The following CLCA4 variants were observed in gnomAD, a reference collection of about 807,000 sequenced individuals.
The protein encoded by CLCA4 is calcium-activated chloride channel regulator 4.
CLCA4 carries 69 observed loss-of-function variants against 78.9 expected under a neutral mutation model. The ratio of observed to expected loss-of-function variants is 0.87; its 90% CI spans 0.72 to 1.07. The LOEUF is 1.07. CLCA4 is among the 50% of genes least tolerant of loss of function. The probability of loss-of-function intolerance (pLI) is 0.00; values close to 1 mark genes in which losing one functional copy is unlikely to be tolerated. For missense variants in CLCA4, 1,133 were observed against 1,095.8 expected (o/e 1.03, Z -0.48); for synonymous variants, 362 against 375.8 (o/e 0.96, Z 0.42).
Position 86,565,719 on chromosome 1 carries a change from G to C in CLCA4, c.736-83G>C, listed in dbSNP as rs2231591. 3.8e-3 allele frequency: 3,049 copies of C among 799,628 alleles called. 71 individuals are homozygous for C. In the African/African-American group the frequency reaches 0.048, roughly 12 times the overall value. 49.5% of individuals were successfully genotyped at this position (799,628 alleles called of 1,614,324 possible). A position where few individuals can be genotyped will look rare whatever the true frequency, so the allele number is the denominator to read the frequency against. On this transcript the variant is annotated intron_variant, in intron 5 of 13. Transcript: ENST00000370563. ...TTCAACAAACAACATATCTGCAGAA[G>C]ACTTTTAAATTTTTCAGGTTTGTAG... is the stretch of plus-strand genomic sequence containing the variant.
At position 86,571,147 on chromosome 1, in the gene CLCA4, C is replaced by A. The variant is rs536753671; in HGVS notation, c.1253C>A (p.Thr418Asn). 3 of 1,612,846 alleles carry A rather than the reference C, an allele frequency of 1.9e-6. No individual in the cohort carries two copies. The highest frequency in any genetic ancestry group is 2.5e-6 in the Non-Finnish European group (3 of 1,179,058). Residue 418 changes from threonine (T) to asparagine (N), a missense_variant, in exon 8 of 14, where the codon ACT (threonine) becomes AAT (asparagine). By Grantham distance (65) the Thr-to-Asn change is moderately conservative. Coordinates refer to ENST00000370563, the MANE Select transcript of CLCA4 (RefSeq NM_012128.4). ...CTGCTGACTGATGGGGAGGATAACA[C>A]TGCAAGTTCTTGTATTGATGAAGTG... is the stretch of plus-strand genomic sequence containing the variant. ...VLLLTDGEDN[T>N]ASSCIDEVKQ...
At chr1:86,554,356 G>C (rs1236140724) in intron 1 of CLCA4, among the ~76,000 whole-genome samples, 2 of 152,092 alleles carry the variant, frequency 1.3e-5, no homozygotes, top group African/African-American at 4.8e-5. Context: ...AGTATTCCAT[G>C]GTGTATATGT....
chr1:86,547,209 C>T lies in CLCA4; in HGVS notation c.90C>T (p.Gly30=). The T allele has an allele frequency of 6.2e-7, 1 of 1,611,354 alleles. No individual in the cohort carries two copies. Among genetic ancestry groups the T allele is most frequent in the Non-Finnish European group, 8.5e-7 (1 of 1,178,870 alleles). Residue 30 remains glycine (G), a synonymous_variant, in exon 1 of 14, where the codon GGC becomes GGT. Coordinates refer to ENST00000370563, the MANE Select transcript of CLCA4 (RefSeq NM_012128.4). ...CCTTCATTAAGCTGAATAATAATGG[C>T]TTTGAAGATATTGTCATTGTTATAG... ...NTSFIKLNNN[G]FEDIVIVIDP... is the part of the protein sequence containing the mutation.
At chr1:86,550,979 C>A (rs1157811021) in intron 1 of CLCA4, among the ~76,000 whole-genome samples, 1 of 151,608 alleles carries the variant, frequency 6.6e-6, no homozygotes, top group Non-Finnish European at 1.5e-5. Flanking sequence ...TTACAGGCGC[C>A]TGCCACCACG....
rs753744270 is a variant in CLCA4, at chr1:86,580,106, A to G, written c.2521A>G (p.Ile841Val). Residue 841 changes from isoleucine (I) to valine (V), a missense_variant, in exon 14 of 14, where the codon ATA (isoleucine) becomes GTA (valine). Physicochemically the swap from Ile to Val is conservative, Grantham distance 29. Transcript: ENST00000370563. ...TATCTCAGAAGAAAATGCAACCCAC[A>G]TATTTATTGCCATTAAAAGTATAGA... ...ENISEENATH[I>V]FIAIKSIDKS... 2 of 1,612,972 alleles carry G rather than the reference A, an allele frequency of 1.2e-6. No individual in the cohort carries two copies. The highest frequency in any genetic ancestry group is 1.7e-6 in the Non-Finnish European group (2 of 1,179,424).
chr1:86,562,762 G>C (rs1022047958), intron 3 of CLCA4, among the ~76,000 whole-genome samples: 1 of 150,226 alleles, frequency 6.7e-6, no homozygotes, highest in Non-Finnish European at 1.5e-5. Flanking sequence ...GCTGAGGCAA[G>C]AGAATCACTT....
In CLCA4 at chr1:86,549,157, C is replaced by T. The variant is rs117399442; in HGVS notation, c.159+1879C>T. Among the ~76,000 whole-genome samples the T allele has an allele frequency of 3.9e-4, 59 of 151,634 alleles. No homozygotes were observed. In the East Asian group the frequency reaches 0.011, roughly 29 times the overall value. On this transcript the variant is annotated intron_variant, in intron 1 of 13. Transcript: ENST00000370563. Reference sequence around the variant, plus strand: ...GGGGGATATGGAGTGTTAGGTGGGGCTGGATTGGGGGAGAATGTGGGTTGC... The same window carrying T: ...GGGGGATATGGAGTGTTAGGTGGGGTTGGATTGGGGGAGAATGTGGGTTGC...
intron 3 of CLCA4, among the ~76,000 whole-genome samples, chr1:86,561,027 T>C (rs74769935): frequency 0.012 from 1,853 of 152,368 alleles, 19 homozygotes; most frequent in Middle Eastern, 0.044. Flanking sequence ...GGAACCTTGC[T>C]GAATCCGCAT....
rs185518601 is a variant in CLCA4 at position 86,560,709 on chromosome 1, C to T, written c.448+351C>T. Among the ~76,000 whole-genome samples the T allele has an allele frequency of 9.2e-4, 140 of 152,260 alleles. 1 individual carries two copies. The highest frequency in any genetic ancestry group is 3.4e-4 in the Non-Finnish European group (23 of 68,022). On this transcript the variant is annotated intron_variant, in intron 3 of 13. Transcript: ENST00000370563. ...TTTTAATTTTTCCACTTCTCCATAG[C>T]TGGATATTAACAAATCACCAGTAAG...
In CLCA4 at chr1:86,548,684, GAAAAAAAA is replaced by G. The variant is rs10615856; in HGVS notation, c.159+1421_159+1428del. On this transcript the variant is annotated intron_variant, in intron 1 of 13. Coordinates refer to ENST00000370563, the MANE Select transcript of CLCA4 (RefSeq NM_012128.4). ...GCAACAGAGCAAGACTCCCTCTCTG[GAAAAAAAA>G]AAAAAAAAAAAAAAGAATTGGGATG... 1.6e-3 allele frequency among the ~76,000 whole-genome samples: 150 copies of G among 94,136 alleles called. 1 individual carries two copies. Among genetic ancestry groups the G allele is most frequent in the Non-Finnish European group, 2.1e-3 (100 of 48,518 alleles). 61.8% of individuals were successfully genotyped at this position (94,136 alleles called of 152,430 possible). A position where few individuals can be genotyped will look rare whatever the true frequency, so the allele number is the denominator to read the frequency against.
chr1:86,570,090 T>G (rs1400207826), intron 7 of CLCA4, among the ~76,000 whole-genome samples: 4 of 152,016 alleles, frequency 2.6e-5, no homozygotes, highest in African/African-American at 9.7e-5. Context: ...ATATATATAT[T>G]AGTCACTCTT....
At chr1:86,558,761 C>A (rs1273751375) in intron 1 of CLCA4, among the ~76,000 whole-genome samples, 1 of 152,076 alleles carries the variant, frequency 6.6e-6, no homozygotes, top group Non-Finnish European at 1.5e-5. Flanking sequence ...GGAAGACCAC[C>A]CCCATGATTC....
chr1:86,552,432 A>C (rs1354175559), intron 1 of CLCA4, among the ~76,000 whole-genome samples: 2 of 152,196 alleles, frequency 1.3e-5, no homozygotes, highest in Non-Finnish European at 2.9e-5. Flanking sequence ...GGCCCTCCAC[A>C]GCGGGGAAAG....
intron 1 of CLCA4, among the ~76,000 whole-genome samples, chr1:86,559,537 T>C (rs1486050594): frequency 2.0e-5 from 3 of 152,330 alleles, no homozygotes; most frequent in Non-Finnish European, 2.9e-5. Context: ...TAGATAGTAA[T>C]AGTCCATTGA....
chr1:86,579,181 C>G (rs962766884), intron 12 of CLCA4, among the ~76,000 whole-genome samples, 173 bp from the exon 13 acceptor site: 1 of 151,996 alleles, frequency 6.6e-6, no homozygotes, highest in Admixed American at 6.6e-5. Context: ...CAATATCCTA[C>G]CAAAGAAAGA....
intron 1 of CLCA4, among the ~76,000 whole-genome samples, chr1:86,547,684 G>A (rs1016458696): frequency 2.0e-5 from 3 of 151,948 alleles, no homozygotes; most frequent in African/African-American, 7.3e-5. Context: ...AGATACCCTG[G>A]TTTAGTTCCT....
At chr1:86,551,726 C>T (rs368554593) in intron 1 of CLCA4, among the ~76,000 whole-genome samples, 1 of 152,186 alleles carries the variant, frequency 6.6e-6, no homozygotes, top group Non-Finnish European at 1.5e-5. Flanking sequence ...CAGAAGGCAC[C>T]ACGGAGGGTC....
chr1:86,553,237 A>T, intron 1 of CLCA4: 1 of 1,037,242 alleles, frequency 9.6e-7, no homozygotes, highest in Non-Finnish European at 1.5e-6. Context: ...TCCAAGAGGG[A>T]CTGCCGCTGC....
chr1:86,561,109 A>G (rs1650003746), intron 3 of CLCA4, among the ~76,000 whole-genome samples: 1 of 152,186 alleles, frequency 6.6e-6, no homozygotes, highest in Non-Finnish European at 1.5e-5. Flanking sequence ...CCAAACATTC[A>G]GCTAGATCTG....
Sources: gnomAD v4.1 joint callset for allele counts (sites outside exome capture counted in the v4.1 genomes callset) on GRCh38, gnomAD v4.1.1 for gene constraint, MANE v1.5 for transcripts, NCBI Gene and HGNC (gene_info 2026-07-23, HGNC 2026-07-21) for gene names.